OLFM2: variants seen among roughly 807,000 people sequenced by gnomAD.
OLFM2 encodes the protein noelin-2.
A neutral mutation model predicts 43.9 loss-of-function variants in OLFM2; 20 were observed. The ratio of observed to expected loss-of-function variants is 0.46; its 90% CI spans 0.32 to 0.66. The LOEUF (loss-of-function observed/expected upper bound fraction) is 0.66, where lower values mean the gene tolerates loss of function less well. Ranked by LOEUF, OLFM2 falls within the 30% of genes least tolerant of loss-of-function variation. OLFM2 has a pLI of 0.04. For missense variants in OLFM2, 416 were observed against 643.6 expected (o/e 0.65, Z 3.83); for synonymous variants, 268 against 278.6 (o/e 0.96, Z 0.38).
chr19:9,872,336 A>G (rs2046449056), intron 1 of OLFM2, among the ~76,000 whole-genome samples: 1 of 151,846 alleles, frequency 6.6e-6, no homozygotes, highest in African/African-American at 2.4e-5. Context: ...ATATGGTAAG[A>G]CCCTGTCTCT....
At chr19:9,911,881 G>A (rs1009410366) in intron 1 of OLFM2, among the ~76,000 whole-genome samples, 2 of 152,164 alleles carry the variant, frequency 1.3e-5, no homozygotes, top group African/African-American at 4.8e-5. Context: ...CAAGAAGCCT[G>A]TATCATACTT....
chr19:9,909,789 T>C (rs1157344020), intron 1 of OLFM2, among the ~76,000 whole-genome samples: 2 of 152,022 alleles, frequency 1.3e-5, no homozygotes, highest in African/African-American at 2.4e-5. Context: ...GAAGGTGAAA[T>C]GGATTTAGAC....
chr19:9,863,741 CTT>C (rs907582021), intron 1 of OLFM2, among the ~76,000 whole-genome samples: 2 of 146,020 alleles, frequency 1.4e-5, no homozygotes, highest in Admixed American at 6.9e-5. Context: ...TCAATCGAGT[CTT>C]TTTTTTTTTA....
chr19:9,904,475 G>A (rs535961807), intron 1 of OLFM2, among the ~76,000 whole-genome samples: 1 of 152,036 alleles, frequency 6.6e-6, no homozygotes, highest in South Asian at 2.1e-4. Flanking sequence ...ATAGGCGTAA[G>A]CCACCATGCC....
At chr19:9,915,239 CTTTTTT>C (rs34756498) in intron 1 of OLFM2, among the ~76,000 whole-genome samples, 2 of 139,642 alleles carry the variant, frequency 1.4e-5, no homozygotes, top group Non-Finnish European at 1.5e-5. Context: ...TTTTCTCTCT[CTTTTTT>C]TTTTTTTTTT....
chr19:9,929,482 G>C (rs1165140373), intron 1 of OLFM2, among the ~76,000 whole-genome samples: 1 of 151,918 alleles, frequency 6.6e-6, no homozygotes, highest in Non-Finnish European at 1.5e-5. Flanking sequence ...TGTAGTCCCA[G>C]CTACTTGGGA....
intron 1 of OLFM2, among the ~76,000 whole-genome samples, chr19:9,885,450 G>A (rs546425324): frequency 6.6e-6 from 1 of 152,164 alleles, no homozygotes; most frequent in Admixed American, 6.6e-5. Flanking sequence ...GGGGGAGTGT[G>A]GGAGATGCTC....
At chr19:9,936,240 A>C (rs2086514013) in intron 1 of OLFM2, 64 bp downstream of exon 1, 1 of 1,477,492 alleles carries the variant, frequency 6.8e-7, no homozygotes. Flanking sequence ...TTCTCCGGGA[A>C]CCCTCCGCGC....
intron 2 of OLFM2, among the ~76,000 whole-genome samples, 163 bp downstream of exon 2, chr19:9,860,482 A>AAC (rs1479838315): frequency 6.6e-6 from 1 of 150,824 alleles, no homozygotes; most frequent in Admixed American, 6.6e-5. Context: ...AAAAGGAAAA[A>AAC]AAAAAAAAAA....
chr19:9,889,409 T>C (rs1230398120), intron 1 of OLFM2, among the ~76,000 whole-genome samples: 4 of 151,844 alleles, frequency 2.6e-5, no homozygotes, highest in South Asian at 2.1e-4. Flanking sequence ...CCACCATGCC[T>C]AGTAAATGTT....
Position 9,860,796 on chromosome 19 carries a change from T to C in OLFM2, c.64-2A>G. ...CTCTTCTGGGTTCTGGAAGAGAGTC[T>C]GCAAAGAGGTGGGGGTCAGAGACCG... On this transcript the variant is annotated splice_acceptor_variant, in intron 1 of 5. Coordinates refer to ENST00000264833, the MANE Select transcript of OLFM2 (RefSeq NM_058164.4). LOFTEE classifies it high-confidence loss of function. 6.2e-7 allele frequency: 1 copy of C among 1,602,704 alleles called. No homozygotes were observed.
chr19:9,926,827 CA>C (rs530204030), intron 1 of OLFM2, among the ~76,000 whole-genome samples: 1 of 150,920 alleles, frequency 6.6e-6, no homozygotes, highest in Non-Finnish European at 1.5e-5. Context: ...AAAAAATAAA[CA>C]AAAAAAATTA....
At chr19:9,855,007 G>A in intron 5 of OLFM2, 144 bp from the exon 6 acceptor site, 1 of 641,864 alleles carries the variant, frequency 1.6e-6, no homozygotes, top group Admixed American at 3.0e-5. Flanking sequence ...ACCAATTATG[G>A]CCCTAGTGTG....
At chr19:9,855,481 C>T (rs2046309299) in intron 5 of OLFM2, among the ~76,000 whole-genome samples, 1 of 151,916 alleles carries the variant, frequency 6.6e-6, no homozygotes. Flanking sequence ...CCTTGTGATC[C>T]ACTGTCTCAG....
chr19:9,925,396 G>A (rs1225185326), intron 1 of OLFM2, among the ~76,000 whole-genome samples: 4 of 152,124 alleles, frequency 2.6e-5, no homozygotes, highest in East Asian at 1.9e-4. Context: ...TAGCGCAGTC[G>A]CCGTAGAAAA....
chr19:9,911,288 C>T (rs2046825439), intron 1 of OLFM2, among the ~76,000 whole-genome samples: 1 of 152,146 alleles, frequency 6.6e-6, no homozygotes, highest in South Asian at 2.1e-4. Flanking sequence ...TCACAGTCCC[C>T]TCCCAGCCCT....
At chr19:9,913,773 G>T (rs1599497522) in intron 1 of OLFM2, 1 of 655,898 alleles carries the variant, frequency 1.5e-6, no homozygotes, top group Non-Finnish European at 1.9e-6. Context: ...GACGGGGTGA[G>T]GGGGGGCTCG....
chr19:9,854,356 T>G lies in OLFM2; in HGVS notation c.1195A>C (p.Asn399His). 1 of 1,614,086 alleles carries G rather than the reference T, an allele frequency of 6.2e-7. No homozygotes were observed. The highest frequency in any genetic ancestry group is 8.5e-7 in the Non-Finnish European group (1 of 1,180,012). The change falls in exon 6 of 6, where the codon AAC (asparagine) becomes CAC (histidine). Residue 399 changes from asparagine (N) to histidine (H), a missense_variant. By Grantham distance (68) the Asn-to-His change is moderately conservative (BLOSUM62 1). Transcript: ENST00000264833. This position sits in a 1 kb window ranked among gnomAD's most constrained non-coding sequence, Gnocchi z 9.5. The part of the protein sequence containing the change: ...GAKVYFAYFT[N>H]TSSYEYTDVP... ...TCCGTGTACTCGTAACTGGACGTGT[T>G]GGTAAAATAGGCGAAGTAGACCTTG...
intron 1 of OLFM2, among the ~76,000 whole-genome samples, chr19:9,883,996 G>A (rs1443358121): frequency 6.6e-6 from 1 of 152,094 alleles, no homozygotes; most frequent in Non-Finnish European, 1.5e-5. Flanking sequence ...AGCTGGGCAT[G>A]GTGACTCACA....
Sources: allele counts gnomAD v4.1 joint callset (sites outside exome capture counted in the v4.1 genomes callset), GRCh38; gene constraint gnomAD v4.1.1; non-coding constraint Gnocchi (gnomAD v3.1); transcripts MANE v1.5; gene names NCBI Gene and HGNC (gene_info 2026-07-23, HGNC 2026-07-21).